The following CDH12 variants were observed in gnomAD, a reference collection of about 807,000 sequenced individuals.
The protein encoded by CDH12 is cadherin 12, also known as cadherin-12.
CDH12 carries 41 observed loss-of-function variants against 74.1 expected under a neutral mutation model. The ratio of observed to expected loss-of-function variants is 0.55; its 90% confidence interval spans 0.43 to 0.72. The LOEUF is 0.72. CDH12 is among the 30% of genes least tolerant of loss of function. The pLI is 0.00. For synonymous variants in CDH12, 399 were observed against 355.0 expected (o/e 1.12, Z -1.39); for missense variants, 945 against 977.2 (o/e 0.97, Z 0.44).
intron 1 of CDH12, among the ~76,000 whole-genome samples, chr5:22,525,440 A>C (rs888051228): frequency 6.6e-6 from 1 of 151,762 alleles, no homozygotes; most frequent in Non-Finnish European, 1.5e-5. Flanking sequence ...GTTTCTGATT[A>C]AATGGGCTAA....
chr5:22,565,543 A>G (rs1405317233), intron 1 of CDH12, among the ~76,000 whole-genome samples: 1 of 152,224 alleles, frequency 6.6e-6, no homozygotes, highest in Non-Finnish European at 1.5e-5. Context: ...AACATAAATT[A>G]TATGCAATCA....
intron 8 of CDH12, among the ~76,000 whole-genome samples, chr5:21,835,143 T>C (rs1749458554): frequency 6.6e-6 from 1 of 151,878 alleles, no homozygotes; most frequent in Non-Finnish European, 1.5e-5. Context: ...GAGAGGCATA[T>C]AATTTACTCA....
chr5:22,115,996 C>T (rs1463915388), intron 4 of CDH12, among the ~76,000 whole-genome samples: 6 of 152,012 alleles, frequency 3.9e-5, no homozygotes, highest in East Asian at 1.9e-4. Context: ...GGCTGGTCCT[C>T]GTGACTTTTA....
intron 1 of CDH12, among the ~76,000 whole-genome samples, chr5:22,829,043 G>A (rs1038891873): frequency 6.6e-5 from 10 of 152,124 alleles, no homozygotes; most frequent in African/African-American, 1.7e-4. Flanking sequence ...CTCAAAAGGA[G>A]TTTGATTCTC....
chr5:22,122,727 T>A (rs1745599315), intron 4 of CDH12, among the ~76,000 whole-genome samples: 2 of 152,242 alleles, frequency 1.3e-5, no homozygotes, highest in Admixed American at 1.3e-4. Context: ...TGTTGCAATG[T>A]GAGTGGCCAT....
chr5:22,689,125 A>G lies in CDH12; in HGVS notation c.-523+163933T>C, dbSNP rs562356242. Among the ~76,000 whole-genome samples, 18 of 152,300 alleles carry G rather than the reference A, an allele frequency of 1.2e-4. No homozygotes were observed. In the South Asian group the frequency reaches 3.7e-3, roughly 32 times the overall value. ...CATCATGGACAATCTGTAGTATTCT[A>G]GTATATATGAAGAATACCTATCTTC... On this transcript the variant is annotated intron_variant, in intron 1 of 14. Coordinates refer to ENST00000382254, the MANE Select transcript of CDH12 (RefSeq NM_004061.5).
chr5:22,151,529 C>CT (rs1371986782), intron 4 of CDH12, among the ~76,000 whole-genome samples: 2 of 152,066 alleles, frequency 1.3e-5, no homozygotes, highest in African/African-American at 4.8e-5. Context: ...AGGGTTAACT[C>CT]TTTTTTTGTG....
At chr5:21,983,928 C>A (rs1181640047) in intron 5 of CDH12, among the ~76,000 whole-genome samples, 2 of 152,000 alleles carry the variant, frequency 1.3e-5, no homozygotes, top group Non-Finnish European at 2.9e-5. Flanking sequence ...TAATCATATT[C>A]TTATTTTGTG....
rs549140043 is a variant in CDH12 at position 22,215,391 on chromosome 5, T to C, written c.-332-2748A>G. On this transcript the variant is annotated intron_variant, in intron 3 of 14. Transcript: ENST00000382254. ...AAACCATTTTATAACTGATAAACTA[T>C]TGTAACAGTTCTGCTATTAAAAGTT... Among the ~76,000 whole-genome samples the C allele has an allele frequency of 2.7e-3, 410 of 152,214 alleles. 1 individual carries two copies. The highest frequency in any genetic ancestry group is 9.2e-3 in the African/African-American group (383 of 41,556).
intron 2 of CDH12, among the ~76,000 whole-genome samples, chr5:22,498,747 G>C (rs1747208000): frequency 6.6e-6 from 1 of 151,198 alleles, no homozygotes; most frequent in African/African-American, 2.4e-5. Flanking sequence ...AGTTTACAGG[G>C]TATAATATGA....
chr5:22,426,964 G>A (rs571470946), intron 2 of CDH12, among the ~76,000 whole-genome samples: 24 of 150,524 alleles, frequency 1.6e-4, no homozygotes, highest in South Asian at 1.3e-3. Context: ...TAACCCCTTC[G>A]TCTACCCTCT....
At chr5:22,255,199 G>C (rs1414087018) in intron 3 of CDH12, among the ~76,000 whole-genome samples, 1 of 151,678 alleles carries the variant, frequency 6.6e-6, no homozygotes, top group Non-Finnish European at 1.5e-5. Context: ...TAGGTCTAAA[G>C]GGAAAGTGGG....
rs187449426 is a variant in CDH12, at chr5:22,771,865, C to A, written c.-523+81193G>T. ...CTCTGTAGACTTTTGACCTGCCAAC[C>A]TTTGCAATTAGGTTAGTTCATTCCC... On this transcript the variant is annotated intron_variant, in intron 1 of 14. Coordinates refer to ENST00000382254, the MANE Select transcript of CDH12 (RefSeq NM_004061.5). Among the ~76,000 whole-genome samples, 37 of 152,152 alleles carry A rather than the reference C, an allele frequency of 2.4e-4. No homozygotes were observed. In the East Asian group the frequency reaches 3.5e-3, roughly 14 times the overall value.
At chr5:22,494,622 A>G (rs138101007) in intron 2 of CDH12, among the ~76,000 whole-genome samples, 33 of 152,330 alleles carry the variant, frequency 2.2e-4, no homozygotes, top group African/African-American at 7.9e-4. Flanking sequence ...CAAGTAGCGT[A>G]TGGTAAAACT....
chr5:22,232,768 C>T (rs1473336297), intron 3 of CDH12, among the ~76,000 whole-genome samples: 1 of 150,818 alleles, frequency 6.6e-6, no homozygotes, highest in African/African-American at 2.4e-5. Context: ...ATTTAACTTT[C>T]AAAACTTTTT....
At chr5:22,522,186 A>G (rs938944626) in intron 1 of CDH12, among the ~76,000 whole-genome samples, 1 of 152,178 alleles carries the variant, frequency 6.6e-6, no homozygotes, top group Non-Finnish European at 1.5e-5. Context: ...GATTAGGTAA[A>G]CTATAGTTAG....
chr5:22,074,017 G>A (rs993593184), intron 5 of CDH12, among the ~76,000 whole-genome samples: 5 of 151,054 alleles, frequency 3.3e-5, no homozygotes, highest in African/African-American at 1.2e-4. Flanking sequence ...GAACTGCATA[G>A]GTTTACTTTA....
At chr5:21,957,755 T>C (rs189608009) in intron 6 of CDH12, among the ~76,000 whole-genome samples, 17 of 152,354 alleles carry the variant, frequency 1.1e-4, no homozygotes, top group Non-Finnish European at 2.2e-4. Flanking sequence ...TGCCCACATT[T>C]TAATGGGGTT....
chr5:22,743,691 C>T (rs900262522), intron 1 of CDH12, among the ~76,000 whole-genome samples: 13 of 152,108 alleles, frequency 8.5e-5, no homozygotes, highest in Non-Finnish European at 1.5e-4. Context: ...ATATTAAATG[C>T]ATATTAACTT....
Sources: allele counts gnomAD v4.1 joint callset (sites outside exome capture counted in the v4.1 genomes callset), GRCh38; gene constraint gnomAD v4.1.1; transcripts MANE v1.5; gene names NCBI Gene and HGNC (gene_info 2026-07-23, HGNC 2026-07-21).